FOXP2: variants seen among roughly 807,000 people sequenced by gnomAD.
FOXP2 encodes forkhead box P2.
FOXP2 carries 12 observed loss-of-function variants against 115.8 expected under a neutral mutation model. The observed-to-expected ratio is 0.10, with a 90% CI of 0.07 to 0.17. FOXP2 has a LOEUF of 0.17. FOXP2 is among the 10% of genes least tolerant of loss of function. The probability of loss-of-function intolerance (pLI) is 1.00; values close to 1 mark genes in which losing one functional copy is unlikely to be tolerated. For synonymous variants in FOXP2, 328 were observed against 297.7 expected (o/e 1.10, Z -1.05); for missense variants, 629 against 843.5 (o/e 0.75, Z 3.15).
chr7:114,176,318 CTCTT>C (rs1793306448), intron 1 of FOXP2, among the ~76,000 whole-genome samples: 1 of 139,072 alleles, frequency 7.2e-6, no homozygotes, highest in Non-Finnish European at 1.5e-5. Context: ...CTCTCTCTCT[CTCTT>C]TCTTTTTCTT....
intron 2 of FOXP2, among the ~76,000 whole-genome samples, chr7:114,335,339 A>T (rs1797824604): frequency 6.6e-6 from 1 of 151,882 alleles, no homozygotes; most frequent in South Asian, 2.1e-4. Context: ...GAATTCATAG[A>T]TTTTTCACAA....
At chr7:114,284,256 CCT>C (rs1301741072) in intron 1 of FOXP2, among the ~76,000 whole-genome samples, 2 of 150,526 alleles carry the variant, frequency 1.3e-5, no homozygotes, top group African/African-American at 4.9e-5. Context: ...CTGTATATAC[CCT>C]GTCTCTCAGC....
At chr7:114,129,964 C>G (rs1379274889) in intron 1 of FOXP2, among the ~76,000 whole-genome samples, 1 of 152,036 alleles carries the variant, frequency 6.6e-6, no homozygotes, top group Non-Finnish European at 1.5e-5. Context: ...TAAAACATCA[C>G]AAAATAAAAC....
At chr7:114,360,285 C>A (rs1791716266) in intron 2 of FOXP2, among the ~76,000 whole-genome samples, 1 of 152,148 alleles carries the variant, frequency 6.6e-6, no homozygotes, top group African/African-American at 2.4e-5. Context: ...GTCCATTAAA[C>A]CTCTTTTTCT....
intron 1 of FOXP2, among the ~76,000 whole-genome samples, chr7:114,154,408 T>A (rs1471986785): frequency 6.6e-6 from 1 of 151,968 alleles, no homozygotes; most frequent in African/African-American, 2.4e-5. Context: ...TAATAAACAA[T>A]CATCAACTAC....
intron 3 of FOXP2, among the ~76,000 whole-genome samples, chr7:114,576,170 A>T (rs1471899757): frequency 6.6e-6 from 1 of 151,946 alleles, no homozygotes; most frequent in African/African-American, 2.4e-5. Flanking sequence ...ATTGTTAAAA[A>T]CATTCCAGAT....
intron 2 of FOXP2, among the ~76,000 whole-genome samples, chr7:114,358,271 G>A (rs572826484): frequency 9.9e-5 from 15 of 152,244 alleles, no homozygotes; most frequent in African/African-American, 3.6e-4. Context: ...GGCCTCCCCA[G>A]CCATGTGGAA....
rs374050335 is a variant in FOXP2, at chr7:114,178,010, G to A, written c.-102+14922G>A. On this transcript the variant is annotated intron_variant, in intron 1 of 17. Coordinates refer to the FOXP2 transcript ENST00000634411. ...TAATATATTGCTAAATTTTTCTCTA[G>A]TGGGGCTATACCATTAAGTGGTATT... 7.1e-4 allele frequency among the ~76,000 whole-genome samples: 108 copies of A among 151,670 alleles called. 1 individual carries two copies. In the South Asian group the frequency reaches 0.02, roughly 28 times the overall value.
At chr7:114,405,994 C>T (rs914561359) in intron 2 of FOXP2, among the ~76,000 whole-genome samples, 3 of 151,634 alleles carry the variant, frequency 2.0e-5, no homozygotes, top group African/African-American at 7.3e-5. Flanking sequence ...TAAGACATTG[C>T]CAGTTATGAG....
intron 2 of FOXP2, among the ~76,000 whole-genome samples, chr7:114,294,879 C>CATACATACATGCATGCATGCATAT (rs1796702439): frequency 1.3e-5 from 2 of 149,898 alleles, no homozygotes; most frequent in East Asian, 2.0e-4. Flanking sequence ...TACATACATA[C>CATACATACATGCATGCATGCATAT]ATACATACAT....
At chr7:114,663,655 TATAG>T in intron 15 of FOXP2, 136 bp downstream of exon 15, 4 of 715,424 alleles carry the variant, frequency 5.6e-6, no homozygotes, top group Non-Finnish European at 9.7e-6. Flanking sequence ...TACCTAGTAC[TATAG>T]ACAGCACTGG....
chr7:114,573,091 G>A (rs1212985046), intron 3 of FOXP2, among the ~76,000 whole-genome samples: 1 of 151,806 alleles, frequency 6.6e-6, no homozygotes, highest in African/African-American at 2.4e-5. Flanking sequence ...GAAAGGAGGA[G>A]CATAGCAGTG....
At chr7:114,504,932 C>T (rs569273109) in intron 2 of FOXP2, among the ~76,000 whole-genome samples, 2 of 151,568 alleles carry the variant, frequency 1.3e-5, no homozygotes, top group Admixed American at 6.6e-5. Context: ...CTAGAACAAC[C>T]TGAACTACTA....
Position 114,536,494 on chromosome 7 carries a change from A to T in FOXP2, c.258+1788A>T, listed in dbSNP as rs190759030. On this transcript the variant is annotated intron_variant, in intron 3 of 16. Coordinates refer to ENST00000350908, the MANE Select transcript of FOXP2 (RefSeq NM_014491.4). Reference sequence around the variant, plus strand: ...ACGTACTTTTCCTTACAAAATACCCACAATAGAATGTGGGAATATTAATGG... The same window carrying T: ...ACGTACTTTTCCTTACAAAATACCCTCAATAGAATGTGGGAATATTAATGG... Among the ~76,000 whole-genome samples the T allele has an allele frequency of 1.9e-4, 29 of 149,712 alleles. No individual in the cohort carries two copies. In the East Asian group the frequency reaches 4.3e-3, roughly 22 times the overall value.
rs1808626117 is a variant in FOXP2 at position 114,690,774 on chromosome 7, A to G, written c.*848A>G. On this transcript the variant is annotated 3_prime_UTR_variant, in exon 17 of 17. Transcript: ENST00000350908. ...CCAAAGCCAACTCTAACCATGGCCA[A>G]GAGCTCAAGGACAGAAGCAGCCACA... is the stretch of plus-strand genomic sequence containing the variant. 1 of 454,540 alleles carries G rather than the reference A, an allele frequency of 2.2e-6. No individual in the cohort carries two copies. Among genetic ancestry groups the G allele is most frequent in the Non-Finnish European group, 4.4e-6 (1 of 226,790 alleles). 28.2% of individuals were successfully genotyped at this position (454,540 alleles called of 1,614,324 possible).
intron 2 of FOXP2, among the ~76,000 whole-genome samples, chr7:114,382,845 A>G (rs1359763262): frequency 1.3e-5 from 2 of 152,196 alleles, no homozygotes; most frequent in African/African-American, 4.8e-5. Flanking sequence ...CCAGAAAGGC[A>G]GTAGAATTTT....
chr7:114,256,681 G>A (rs1273527354), intron 1 of FOXP2, among the ~76,000 whole-genome samples: 1 of 152,138 alleles, frequency 6.6e-6, no homozygotes, highest in Non-Finnish European at 1.5e-5. Context: ...AGTTTCTTTT[G>A]CTGTGCAGAA....
At chr7:114,559,075 T>A (rs1584894079) in intron 3 of FOXP2, among the ~76,000 whole-genome samples, 3 of 152,166 alleles carry the variant, frequency 2.0e-5, no homozygotes, top group African/African-American at 4.8e-5. Flanking sequence ...AAAGCAAACA[T>A]GCATACAAGT....
chr7:114,597,448 T>C (rs1237426934), intron 3 of FOXP2, among the ~76,000 whole-genome samples: 1 of 152,132 alleles, frequency 6.6e-6, no homozygotes, highest in Non-Finnish European at 1.5e-5. Context: ...TTCTGAAACC[T>C]CTACTTCTTT....
Sources: gnomAD v4.1 joint callset for allele counts (sites outside exome capture counted in the v4.1 genomes callset) on GRCh38, gnomAD v4.1.1 for gene constraint, MANE v1.5 for transcripts, NCBI Gene and HGNC (gene_info 2026-07-23, HGNC 2026-07-21) for gene names.